CEP76: variants seen among roughly 807,000 people sequenced by gnomAD.
CEP76 encodes the protein centrosomal protein of 76 kDa.
In CEP76, 55 loss-of-function variants were observed where a neutral mutation model predicts 83.3. The ratio of observed to expected loss-of-function variants is 0.66; its 90% CI spans 0.53 to 0.83. The LOEUF (loss-of-function observed/expected upper bound fraction) is 0.83. CEP76 is among the 40% of genes least tolerant of loss of function. The probability of loss-of-function intolerance (pLI) is 0.00; values close to 1 mark genes in which losing one functional copy is unlikely to be tolerated. For synonymous variants in CEP76, 270 were observed against 274.5 expected, an observed-to-expected ratio of 0.98 and a Z score of 0.16; for missense variants, 694 against 799.5, an observed-to-expected ratio of 0.87 and a Z score of 1.59.
intron 1 of CEP76, 70 bp downstream of exon 1, chr18:12,702,416 G>C (rs772648012): frequency 2.7e-5 from 33 of 1,244,198 alleles, no homozygotes; most frequent in Non-Finnish European, 3.8e-5. Context: ...CTGTCGGCCC[G>C]GGGCCGCCGG....
chr18:12,700,600 T>G lies in CEP76; in HGVS notation c.219+358A>C, dbSNP rs531316317. On this transcript the variant is annotated intron_variant, in intron 2 of 11. Coordinates refer to ENST00000262127, the MANE Select transcript of CEP76 (RefSeq NM_024899.4). ...AATATAATCCCAAAAGAGTGCTTATTTTAAAAATACGCTTAATCTAAAAAA... is the reference window on the plus strand; with the variant it reads ...AATATAATCCCAAAAGAGTGCTTATGTTAAAAATACGCTTAATCTAAAAAA... Among the ~76,000 whole-genome samples, 3 of 152,326 alleles carry G rather than the reference T, an allele frequency of 2.0e-5. No individual in the cohort carries two copies. The East Asian group carries it at 5.8e-4, about 29-fold the overall frequency.
At chr18:12,692,646 C>A (rs182463873) in intron 6 of CEP76, among the ~76,000 whole-genome samples, 2 of 152,282 alleles carry the variant, frequency 1.3e-5, no homozygotes, top group East Asian at 3.9e-4. Flanking sequence ...CTCCATAAAA[C>A]ACCTTCTACT....
chr18:12,686,100 G>T (rs1001298282), intron 8 of CEP76, 162 bp downstream of exon 8: 4 of 495,804 alleles, frequency 8.1e-6, no homozygotes, highest in African/African-American at 2.0e-5. Context: ...ACTTTTGTAA[G>T]TATTTTTGAT....
chr18:12,663,758 C>T (rs1273508754), intron 12 of CEP76, among the ~76,000 whole-genome samples: 5 of 151,984 alleles, frequency 3.3e-5, no homozygotes, highest in Non-Finnish European at 7.4e-5. Context: ...TTTAATTTTT[C>T]CTGATTGATT....
intron 10 of CEP76, among the ~76,000 whole-genome samples, chr18:12,677,421 C>T (rs1030052500): frequency 2.2e-5 from 3 of 136,538 alleles, no homozygotes; most frequent in South Asian, 2.3e-4. Flanking sequence ...CACGCCACTG[C>T]GCTCCAGCCT....
At chr18:12,663,523 T>G (rs935244098) in intron 12 of CEP76, 1 of 152,046 alleles carries the variant, frequency 6.6e-6, no homozygotes, top group Non-Finnish European at 1.5e-5. Context: ...TCCACCCACC[T>G]CTTCCTCCCA....
intron 5 of CEP76, 84 bp from the exon 6 acceptor site, chr18:12,695,435 C>G (rs578135039): frequency 1.9e-6 from 1 of 533,206 alleles, no homozygotes; most frequent in Admixed American, 3.8e-5. Context: ...ATAATTTAGG[C>G]ACTTGGGTGT....
chr18:12,677,029 T>C (rs1237685960), intron 10 of CEP76, among the ~76,000 whole-genome samples: 4 of 152,206 alleles, frequency 2.6e-5, no homozygotes, highest in Non-Finnish European at 4.4e-5. Flanking sequence ...ACCCCACAGC[T>C]TCAATCTCTT....
intron 12 of CEP76, among the ~76,000 whole-genome samples, chr18:12,667,617 C>T (rs536334405): frequency 8.1e-5 from 12 of 149,016 alleles, no homozygotes; most frequent in African/African-American, 2.2e-4. Context: ...AAAAATTAGC[C>T]GGGCGTGGTG....
chr18:12,679,529 T>A (rs751878353), intron 9 of CEP76, among the ~76,000 whole-genome samples: 2 of 152,174 alleles, frequency 1.3e-5, no homozygotes, highest in Non-Finnish European at 2.9e-5. Flanking sequence ...CCCTTCAAAT[T>A]GCCTGCGAGC....
chr18:12,671,642 C>CTT (rs869130220), downstream of CEP76, among the ~76,000 whole-genome samples: 662 of 55,432 alleles, frequency 0.012, 5 homozygotes, highest in East Asian at 0.017. Flanking sequence ...TTCACACTTT[C>CTT]TTTTTTTTTT....
At chr18:12,686,209 T>C in intron 8 of CEP76, 53 bp downstream of exon 8, 6 of 1,412,852 alleles carry the variant, frequency 4.2e-6, no homozygotes, top group Non-Finnish European at 5.8e-6. Flanking sequence ...GGATTACAAA[T>C]TCAGAGTAAC....
At chr18:12,679,608 A>C (rs1372394147) in intron 9 of CEP76, among the ~76,000 whole-genome samples, 1 of 152,206 alleles carries the variant, frequency 6.6e-6, no homozygotes, top group Non-Finnish European at 1.5e-5. Context: ...CCTACAACAG[A>C]AGTACTCAGC....
chr18:12,693,208 TTATAAA>T (rs1043472317), intron 6 of CEP76, among the ~76,000 whole-genome samples: 2 of 152,166 alleles, frequency 1.3e-5, no homozygotes, highest in Non-Finnish European at 2.9e-5. Context: ...TCACTAGAAA[TTATAAA>T]TATGACAGTG....
chr18:12,700,006 G>C (rs1446377836), intron 2 of CEP76, 101 bp from the exon 3 acceptor site: 1 of 592,826 alleles, frequency 1.7e-6, no homozygotes, highest in South Asian at 3.6e-5. Context: ...AAGTCAACAG[G>C]GTAAGGCCCT....
downstream of CEP76, among the ~76,000 whole-genome samples, chr18:12,669,654 A>T (rs2038889814): frequency 6.6e-6 from 1 of 152,224 alleles, no homozygotes; most frequent in South Asian, 2.1e-4. Context: ...TACATTTTTA[A>T]TTGAAAAACA....
chr18:12,668,040 G>GT (rs1314087816), downstream of CEP76, among the ~76,000 whole-genome samples: 7 of 151,746 alleles, frequency 4.6e-5, no homozygotes, highest in African/African-American at 9.7e-5. Context: ...CGAGGCAGGC[G>GT]TATCACCTGA....
chr18:12,688,958 CA>C (rs1164607150), intron 7 of CEP76, among the ~76,000 whole-genome samples: 1 of 151,902 alleles, frequency 6.6e-6, no homozygotes, highest in Non-Finnish European at 1.5e-5. Context: ...ACTAAAAACA[CA>C]AAAAATTAGC....
intron 8 of CEP76, 89 bp from the exon 9 acceptor site, chr18:12,680,917 G>C: frequency 8.2e-7 from 1 of 1,222,762 alleles, no homozygotes; most frequent in Middle Eastern, 2.6e-4. Flanking sequence ...AAAATTTATT[G>C]GCTGGGCACA....
Sources: gnomAD v4.1 joint callset for allele counts (sites outside exome capture counted in the v4.1 genomes callset) on GRCh38, gnomAD v4.1.1 for gene constraint, MANE v1.5 for transcripts, NCBI Gene and HGNC (gene_info 2026-07-23, HGNC 2026-07-21) for gene names.